Variants in CENPO observed in about 807,000 individuals in gnomAD.
CENPO encodes centromere protein O, also known as centromeric protein O.
A neutral mutation model predicts 36.1 loss-of-function variants in CENPO; 30 were observed. That is an observed-to-expected ratio of 0.83 (90% CI 0.62 to 1.13). The LOEUF (loss-of-function observed/expected upper bound fraction) is 1.13. CENPO is among the 50% of genes most tolerant of loss of function. The pLI, the probability that CENPO is intolerant of heterozygous loss-of-function variation, is 0.00. For missense variants in CENPO, 349 were observed against 357.8 expected, an observed-to-expected ratio of 0.98 and a Z score of 0.20; for synonymous variants, 171 against 142.3, an observed-to-expected ratio of 1.20 and a Z score of -1.44.
rs1047771274 is a variant in CENPO at position 24,819,939 on chromosome 2, T to C, written c.*621T>C. ...TTGCAGGCTCGAGGCCATTCAGGAG[T>C]TGTCCACCACCTGGTGGGGCAGTGT... On this transcript the variant is annotated 3_prime_UTR_variant, in exon 8 of 8. Transcript: ENST00000380834. The C allele has an allele frequency of 6.2e-7, 1 of 1,613,250 alleles. No individual in the cohort carries two copies. The highest frequency in any genetic ancestry group is 1.3e-5 in the African/African-American group (1 of 74,832).
At chr2:24,794,115 C>T (rs1272880086) in intron 2 of CENPO, 150 bp downstream of exon 2, 2 of 701,736 alleles carry the variant, frequency 2.9e-6, no homozygotes, top group East Asian at 5.3e-5. Flanking sequence ...AAGGGACAGG[C>T]AGCCAAGATT....
At chr2:24,817,222 A>G (rs1389235279) in intron 6 of CENPO, among the ~76,000 whole-genome samples, 1 of 152,134 alleles carries the variant, frequency 6.6e-6, no homozygotes, top group Non-Finnish European at 1.5e-5. Flanking sequence ...ACTCCTCCCT[A>G]CGGAGCAGTC....
chr2:24,820,056 C>A lies in CENPO; in HGVS notation c.*738C>A. On this transcript the variant is annotated 3_prime_UTR_variant, in exon 8 of 8. Coordinates refer to ENST00000380834, the MANE Select transcript of CENPO (RefSeq NM_001322101.2). ...CCCCTTCCCCTTCACAAAGATGGGGCCTCGCCTCACAAAGCGGAAGCCGTA... is the reference window on the plus strand; with the variant it reads ...CCCCTTCCCCTTCACAAAGATGGGGACTCGCCTCACAAAGCGGAAGCCGTA... The A allele has an allele frequency of 1.3e-6, 2 of 1,597,746 alleles. No homozygotes were observed. The highest frequency in any genetic ancestry group is 1.7e-6 in the Non-Finnish European group (2 of 1,172,368).
rs1206199288 is a variant in CENPO at position 24,820,813 on chromosome 2, C to T, written c.*1495C>T. 2.5e-6 allele frequency: 4 copies of T among 1,614,044 alleles called. No homozygotes were observed. The highest frequency in any genetic ancestry group is 1.1e-5 in the South Asian group (1 of 91,074). ...ATGTCGTAGTGTGGTTTCCGGGCTC[C>T]GATGACCCCAGCCAGAACCCCGCCT... On this transcript the variant is annotated 3_prime_UTR_variant, in exon 8 of 8. Coordinates refer to ENST00000380834, the MANE Select transcript of CENPO (RefSeq NM_001322101.2).
In CENPO at chr2:24,816,634, C is replaced by T. The variant is rs182913522; in HGVS notation, c.595-12C>T. On this transcript the variant is annotated splice_polypyrimidine_tract_variant and intron_variant, in intron 5 of 7. Coordinates refer to ENST00000380834, the MANE Select transcript of CENPO (RefSeq NM_001322101.2). ...TCATCCTCTACTTCGTTTTGTTCCT[C>T]ACCCCTCTTAGAGTGACTTTGCAGC... The T allele has an allele frequency of 3.2e-6, 5 of 1,582,606 alleles. No individual in the cohort carries two copies. Among genetic ancestry groups the T allele is most frequent in the South Asian group, 1.2e-5 (1 of 85,394 alleles).
intron 3 of CENPO, among the ~76,000 whole-genome samples, chr2:24,802,897 G>C (rs550819415): frequency 7.9e-5 from 12 of 152,300 alleles, no homozygotes; most frequent in Admixed American, 7.2e-4. Flanking sequence ...AGTTTCAGAA[G>C]GAATGGTACC....
intron 3 of CENPO, among the ~76,000 whole-genome samples, chr2:24,805,286 C>T (rs140165577): frequency 1.6e-3 from 247 of 152,012 alleles, no homozygotes; most frequent in African/African-American, 5.6e-3. Context: ...TCCTGTAGCT[C>T]GGAGTAGTTT....
intron 4 of CENPO, 44 bp downstream of exon 4, chr2:24,814,537 T>C (rs760865865): frequency 6.8e-6 from 6 of 880,890 alleles, no homozygotes; most frequent in Admixed American, 5.1e-5. Context: ...GGTCTGCCTC[T>C]AGTGAGTTAG....
In CENPO at chr2:24,821,057, CA is replaced by C; in HGVS notation, c.*1740del. On this transcript the variant is annotated 3_prime_UTR_variant, in exon 8 of 8. Coordinates refer to ENST00000380834, the MANE Select transcript of CENPO (RefSeq NM_001322101.2). The stretch of plus-strand genomic sequence containing the variant: ...TAGGTGTCAGCCGCCACCCCCCCCC[CA>C]TATGCAGATTTACTCGGCATGGTAG... The C allele has an allele frequency of 1.6e-6, 1 of 635,780 alleles. No individual in the cohort carries two copies. The highest frequency in any genetic ancestry group is 2.6e-6 in the Non-Finnish European group (1 of 386,914). 39.4% of individuals were successfully genotyped at this position (635,780 alleles called of 1,614,324 possible). A position where few individuals can be genotyped will look rare whatever the true frequency, so the allele number is the denominator to read the frequency against.
chr2:24,807,976 C>A (rs1247284190), intron 3 of CENPO, among the ~76,000 whole-genome samples: 1 of 152,182 alleles, frequency 6.6e-6, no homozygotes, highest in Non-Finnish European at 1.5e-5. Context: ...GGTTGTCCAT[C>A]TATTAAATTG....
chr2:24,797,825 T>C (rs1356985530), intron 2 of CENPO, among the ~76,000 whole-genome samples: 1 of 152,080 alleles, frequency 6.6e-6, no homozygotes, highest in Non-Finnish European at 1.5e-5. Flanking sequence ...GTCCTTTGGG[T>C]TCAGCAACAT....
chr2:24,808,885 C>CT lies in CENPO; in HGVS notation c.217-5479dup, dbSNP rs777345119. ...TCAGAAAGCAGGTTGAGACATTTTC[C>CT]TTTTTTTTTTTTCTATTCTTTGAAA... On this transcript the variant is annotated intron_variant, in intron 3 of 7. Coordinates refer to ENST00000380834, the MANE Select transcript of CENPO (RefSeq NM_001322101.2). Among the ~76,000 whole-genome samples the CT allele has an allele frequency of 1.8e-3, 250 of 142,290 alleles. 1 individual carries two copies. The highest frequency in any genetic ancestry group is 3.5e-3 in the African/African-American group (137 of 39,018). The allele number at this position is 142,290 out of a possible 152,430, so 93.3% of individuals were successfully genotyped here. A position where few individuals can be genotyped will look rare whatever the true frequency, so the allele number is the denominator to read the frequency against.
At chr2:24,818,693 C>T (rs918311102) in intron 7 of CENPO, among the ~76,000 whole-genome samples, 2 of 152,156 alleles carry the variant, frequency 1.3e-5, no homozygotes, top group African/African-American at 4.8e-5. Flanking sequence ...CTCAGGCGCC[C>T]CCCGGGTCTT....
Position 24,821,983 on chromosome 2 carries a change from G to T in CENPO, c.*2665G>T. 3.7e-6 allele frequency: 1 copy of T among 267,498 alleles called. No individual in the cohort carries two copies. The highest frequency in any genetic ancestry group is 7.1e-6 in the Non-Finnish European group (1 of 139,864). The allele number at this position is 267,498 out of a possible 1,614,324, so 16.6% of individuals were successfully genotyped here. ...TCCCTCAACTAGGTGATAAGCACTG[G>T]AGGGGGATGACCCGCCTTGGACGTG... is the stretch of plus-strand genomic sequence containing the variant. On this transcript the variant is annotated 3_prime_UTR_variant, in exon 8 of 8. Coordinates refer to ENST00000380834, the MANE Select transcript of CENPO (RefSeq NM_001322101.2).
intron 5 of CENPO, chr2:24,815,990 G>GTT (rs1225795297): frequency 1.9e-6 from 1 of 533,618 alleles, no homozygotes; most frequent in East Asian, 3.3e-5. Context: ...CTGAATGGTG[G>GTT]TCTTCAAGCT....
At chr2:24,817,626 C>A (rs761597277) in intron 6 of CENPO, 44 bp from the exon 7 acceptor site, 85 of 1,612,006 alleles carry the variant, frequency 5.3e-5, no homozygotes, top group Middle Eastern at 1.7e-4. Context: ...GGCTCCGATT[C>A]CCCCAGCTGC....
At chr2:24,799,186 TG>T (rs572782107) in intron 2 of CENPO, among the ~76,000 whole-genome samples, 246 of 152,054 alleles carry the variant, frequency 1.6e-3, no homozygotes, top group Non-Finnish European at 2.6e-3. Flanking sequence ...TTAGTAAAGA[TG>T]GGGTTTTGCC....
At chr2:24,813,658 C>G (rs1162977784) in intron 3 of CENPO, among the ~76,000 whole-genome samples, 5 of 152,166 alleles carry the variant, frequency 3.3e-5, no homozygotes, top group Non-Finnish European at 5.9e-5. Context: ...GGAATCTTGG[C>G]CCGTAGAAAG....
intron 3 of CENPO, among the ~76,000 whole-genome samples, chr2:24,800,211 G>A (rs893556819): frequency 1.2e-4 from 18 of 152,310 alleles, no homozygotes; most frequent in Middle Eastern, 3.4e-3. Flanking sequence ...CCTGGGAGGC[G>A]GAGGTTGCAG....
Sources: gnomAD v4.1 joint callset for allele counts (sites outside exome capture counted in the v4.1 genomes callset) on GRCh38, gnomAD v4.1.1 for gene constraint, MANE v1.5 for transcripts, NCBI Gene and HGNC (gene_info 2026-07-23, HGNC 2026-07-21) for gene names.